The following RIMS1 variants were observed in gnomAD, a reference collection of about 807,000 sequenced individuals.
RIMS1 encodes regulating synaptic membrane exocytosis 1.
A neutral mutation model predicts 214.1 loss-of-function variants in RIMS1; 83 were observed. That is an observed-to-expected ratio of 0.39 (90% CI 0.32 to 0.47). The LOEUF (loss-of-function observed/expected upper bound fraction) is 0.47. RIMS1 is among the 20% of genes least tolerant of loss of function. The pLI is 0.99. For synonymous variants in RIMS1, 793 were observed against 786.8 expected (o/e 1.01, Z -0.13); for missense variants, 2,050 against 2,161.8 (o/e 0.95, Z 1.03).
chr6:72,275,893 C>T (rs1563414562), intron 23 of RIMS1, among the ~76,000 whole-genome samples: 1 of 152,188 alleles, frequency 6.6e-6, no homozygotes, highest in Non-Finnish European at 1.5e-5. Context: ...CATCAGGGAA[C>T]TTAGAATTTT....
intron 29 of RIMS1, among the ~76,000 whole-genome samples, chr6:72,351,678 C>T (rs2097452572): frequency 6.6e-6 from 1 of 152,152 alleles, no homozygotes. Flanking sequence ...CAGTCCTTAA[C>T]CACTACACCA....
At chr6:72,288,578 T>C (rs1013812606) in intron 24 of RIMS1, among the ~76,000 whole-genome samples, 1 of 152,218 alleles carries the variant, frequency 6.6e-6, no homozygotes, top group African/African-American at 2.4e-5. Context: ...CACAACAGCC[T>C]GGATTCTTTC....
intron 2 of RIMS1, among the ~76,000 whole-genome samples, chr6:71,987,197 G>A (rs1379148461): frequency 6.6e-6 from 1 of 152,046 alleles, no homozygotes; most frequent in Non-Finnish European, 1.5e-5. Context: ...ATAAACCTAG[G>A]GGCTTCTGTA....
intron 1 of RIMS1, among the ~76,000 whole-genome samples, chr6:71,903,076 G>T (rs902641736): frequency 1.3e-5 from 2 of 152,090 alleles, no homozygotes; most frequent in Non-Finnish European, 2.9e-5. Flanking sequence ...TGCTATTTCT[G>T]AGTCTATATC....
At chr6:72,230,230 G>A (rs2061522383) in intron 6 of RIMS1, among the ~76,000 whole-genome samples, 9 of 151,720 alleles carry the variant, frequency 5.9e-5, no homozygotes, top group Admixed American at 5.9e-4. Context: ...CTGTGTTGCT[G>A]TGAGCCAATC....
chr6:72,212,719 C>A, intron 6 of RIMS1: 2 of 700,702 alleles, frequency 2.9e-6, no homozygotes, highest in Non-Finnish European at 3.5e-6. Context: ...GAAGGAATGG[C>A]TAGGAGCATA....
chr6:72,329,980 G>C (rs1313373256), intron 28 of RIMS1, among the ~76,000 whole-genome samples: 1 of 151,790 alleles, frequency 6.6e-6, no homozygotes. Context: ...GCAGCATATA[G>C]ATACTACATA....
Position 72,402,390 on chromosome 6 carries a change from A to G in RIMS1, c.*1676A>G, listed in dbSNP as rs1394144347. The G allele has an allele frequency of 1.1e-4, 17 of 152,606 alleles. No homozygotes were observed. Among genetic ancestry groups the G allele is most frequent in the Admixed American group, 1.1e-3 (17 of 15,278 alleles). The allele number at this position is 152,606 out of a possible 1,614,324, so 9.5% of individuals were successfully genotyped here. Reference sequence around the variant, plus strand: ...TGTCTATAGATGGACTTTATTTTTTACCCTCCGGAAAACGTGATGTAGTAC... The same window carrying G: ...TGTCTATAGATGGACTTTATTTTTTGCCCTCCGGAAAACGTGATGTAGTAC... On this transcript the variant is annotated 3_prime_UTR_variant, in exon 34 of 34. Coordinates refer to ENST00000521978, the MANE Select transcript of RIMS1 (RefSeq NM_014989.7).
intron 6 of RIMS1, among the ~76,000 whole-genome samples, chr6:72,224,808 AAAG>A (rs2059688431): frequency 6.6e-6 from 1 of 152,154 alleles, no homozygotes; most frequent in Admixed American, 6.5e-5. Flanking sequence ...AGTACAGTTG[AAAG>A]AACATGACTT....
chr6:71,982,975 A>T (rs1798872059), intron 2 of RIMS1, among the ~76,000 whole-genome samples: 2 of 152,052 alleles, frequency 1.3e-5, no homozygotes, highest in African/African-American at 4.8e-5. Context: ...CTCATTGAAG[A>T]TGTCCTTCCC....
chr6:72,068,728 G>A (rs1437654144), intron 2 of RIMS1, among the ~76,000 whole-genome samples: 2 of 151,984 alleles, frequency 1.3e-5, no homozygotes, highest in African/African-American at 2.4e-5. Context: ...TCGAGACCAC[G>A]GTGAAACCCC....
chr6:71,994,954 G>T (rs1249537900), intron 2 of RIMS1, among the ~76,000 whole-genome samples: 1 of 152,200 alleles, frequency 6.6e-6, no homozygotes, highest in African/African-American at 2.4e-5. Flanking sequence ...CTTCAGCAAA[G>T]AAATTATTTT....
intron 2 of RIMS1, among the ~76,000 whole-genome samples, chr6:71,971,899 TCA>T (rs1795958240): frequency 6.6e-6 from 1 of 152,070 alleles, no homozygotes; most frequent in Non-Finnish European, 1.5e-5. Context: ...CCAAACCATA[TCA>T]GATGGACAGT....
chr6:71,917,919 T>A (rs1778902292), intron 1 of RIMS1, among the ~76,000 whole-genome samples: 1 of 152,176 alleles, frequency 6.6e-6, no homozygotes, highest in African/African-American at 2.4e-5. Flanking sequence ...TCTGGATGAC[T>A]AAGGTACCAT....
At chr6:72,205,089 A>G (rs914868218) in intron 6 of RIMS1, among the ~76,000 whole-genome samples, 2 of 152,108 alleles carry the variant, frequency 1.3e-5, no homozygotes, top group Non-Finnish European at 2.9e-5. Flanking sequence ...CTGTGTTCTC[A>G]GGATTCTGTT....
intron 2 of RIMS1, among the ~76,000 whole-genome samples, chr6:72,030,603 A>G (rs1817809907): frequency 1.3e-5 from 2 of 152,152 alleles, no homozygotes; most frequent in Admixed American, 1.3e-4. Flanking sequence ...ACACTACACA[A>G]TTACATTTTA....
intron 4 of RIMS1, among the ~76,000 whole-genome samples, chr6:72,166,338 T>C (rs2046263752): frequency 1.3e-5 from 2 of 151,318 alleles, no homozygotes; most frequent in South Asian, 2.1e-4. Context: ...CCTATTGAGC[T>C]AGGCCTACAC....
chr6:72,155,026 C>T (rs1187224094), intron 4 of RIMS1, among the ~76,000 whole-genome samples: 2 of 139,652 alleles, frequency 1.4e-5, no homozygotes, highest in African/African-American at 5.0e-5. Flanking sequence ...TGTTGACACC[C>T]CTTAACCCTC....
At chr6:71,990,315 G>A (rs747418371) in intron 2 of RIMS1, among the ~76,000 whole-genome samples, 12 of 152,020 alleles carry the variant, frequency 7.9e-5, no homozygotes, top group Non-Finnish European at 1.3e-4. Flanking sequence ...TTAATTGCAC[G>A]GTGAGGCTTC....
Sources: allele counts gnomAD v4.1 joint callset (sites outside exome capture counted in the v4.1 genomes callset), GRCh38; gene constraint gnomAD v4.1.1; transcripts MANE v1.5; gene names NCBI Gene and HGNC (gene_info 2026-07-23, HGNC 2026-07-21).